PTGFR: variants seen among roughly 807,000 people sequenced by gnomAD.
PTGFR encodes the protein prostaglandin F2-alpha receptor.
PTGFR carries 15 observed loss-of-function variants against 26.2 expected under a neutral mutation model. The ratio of observed to expected loss-of-function variants is 0.57; its 90% CI spans 0.38 to 0.88. The LOEUF is 0.88. Among genes scored for constraint, PTGFR ranks in the 40% least tolerant of loss-of-function variants. PTGFR has a pLI of 0.00. For synonymous variants in PTGFR, 165 were observed against 151.1 expected (o/e 1.09, Z -0.68); for missense variants, 369 against 427.2 (o/e 0.86, Z 1.20).
intron 2 of PTGFR, among the ~76,000 whole-genome samples, chr1:78,514,098 C>G (rs2100375301): frequency 6.6e-6 from 1 of 152,334 alleles, no homozygotes; most frequent in Middle Eastern, 3.4e-3. Flanking sequence ...TGGATTGGAG[C>G]TCCCACACAG....
Position 78,492,863 on chromosome 1 carries a change from A to G in PTGFR, c.120A>G (p.Gly40=). 6.2e-7 allele frequency: 1 copy of G among 1,614,234 alleles called. No homozygotes were observed. Among genetic ancestry groups the G allele is most frequent in the Non-Finnish European group, 8.5e-7 (1 of 1,180,044 alleles). ...VFFSVIFMTV[G]ILSNSLAIAI... is the part of the protein sequence containing the mutation. ...TTTCAGTAATCTTCATGACAGTGGG[A>G]ATCTTGTCAAACAGCCTTGCCATCG... Residue 40 remains glycine, a synonymous_variant, in exon 2 of 3, where the codon GGA becomes GGG. Coordinates refer to ENST00000370757, the MANE Select transcript of PTGFR (RefSeq NM_000959.4).
chr1:78,497,903 G>C (rs1557647679), intron 2 of PTGFR: 1 of 1,593,888 alleles, frequency 6.3e-7, no homozygotes, highest in Non-Finnish European at 8.6e-7. Context: ...ATGGGAAAGA[G>C]AAATATAAAG....
chr1:78,508,135 CT>C lies in PTGFR; in HGVS notation c.798+14601del, dbSNP rs1390372424. Among the ~76,000 whole-genome samples the C allele has an allele frequency of 1.1e-4, 16 of 151,984 alleles. No homozygotes were observed. In the South Asian group the frequency reaches 2.5e-3, roughly 24 times the overall value. On this transcript the variant is annotated intron_variant, in intron 2 of 2. Coordinates refer to ENST00000370757, the MANE Select transcript of PTGFR (RefSeq NM_000959.4). ...TAACCTCACAGAAATGTTCTATTTT[CT>C]TTTTTTCTGTTTGTGCTTCTGGCTA... is the stretch of plus-strand genomic sequence containing the variant.
intron 2 of PTGFR, among the ~76,000 whole-genome samples, chr1:78,531,932 G>A (rs1369429687): frequency 1.3e-5 from 2 of 152,024 alleles, no homozygotes; most frequent in Non-Finnish European, 1.5e-5. Context: ...CTGATATTAT[G>A]TTTATCAATA....
intron 1 of PTGFR, 68 bp from the exon 2 acceptor site, chr1:78,492,604 C>A: frequency 1.2e-6 from 1 of 815,026 alleles, no homozygotes; most frequent in Non-Finnish European, 1.9e-6. Context: ...GGTGCTGGGG[C>A]ACGTCAGTCA....
intron 2 of PTGFR, among the ~76,000 whole-genome samples, chr1:78,499,240 C>G (rs1344532825): frequency 6.6e-6 from 1 of 152,210 alleles, no homozygotes; most frequent in East Asian, 1.9e-4. Flanking sequence ...ATATCCCCTC[C>G]TCTATCTGGG....
rs914512367 is a variant in PTGFR at position 78,536,581 on chromosome 1, T to C, written c.974T>C (p.Val325Ala). 1 of 1,613,202 alleles carries C rather than the reference T, an allele frequency of 6.2e-7. No homozygotes were observed. Among genetic ancestry groups the C allele is most frequent in the Non-Finnish European group, 8.5e-7 (1 of 1,179,488 alleles). The change falls in exon 3 of 3, where the codon GTG (valine) becomes GCG (alanine). Residue 325 changes from valine to alanine, a missense_variant. By Grantham distance (64) the Val-to-Ala change is moderately conservative (BLOSUM62 0). Coordinates refer to ENST00000370757, the MANE Select transcript of PTGFR (RefSeq NM_000959.4). ...AAGCTTGCCAGTCAATGCTGTGGAGTGCATGTCATCAGCTTACATATTTGG... is the reference window on the plus strand; with the variant it reads ...AAGCTTGCCAGTCAATGCTGTGGAGCGCATGTCATCAGCTTACATATTTGG... ...LYKLASQCCG[V>A]HVISLHIWEL...
intron 2 of PTGFR, among the ~76,000 whole-genome samples, chr1:78,523,268 A>G (rs1407718514): frequency 6.6e-6 from 1 of 152,116 alleles, no homozygotes; most frequent in African/African-American, 2.4e-5. Flanking sequence ...TGGCTTACTG[A>G]TATATTTTTC....
chr1:78,496,084 A>C (rs1649541181), intron 2 of PTGFR, among the ~76,000 whole-genome samples: 1 of 152,032 alleles, frequency 6.6e-6, no homozygotes, highest in East Asian at 1.9e-4. Flanking sequence ...TTTTATGGAG[A>C]GTTGAGTCTT....
intron 2 of PTGFR, among the ~76,000 whole-genome samples, chr1:78,507,914 C>T (rs986960269): frequency 3.9e-5 from 6 of 152,096 alleles, no homozygotes; most frequent in African/African-American, 9.7e-5. Flanking sequence ...AAATTATTTT[C>T]CCTTAAAGAC....
chr1:78,528,294 C>CAAA (rs35137595), intron 2 of PTGFR, among the ~76,000 whole-genome samples: 5 of 20,118 alleles, frequency 2.5e-4, no homozygotes, highest in African/African-American at 5.9e-4. Context: ...AGAAAGTTAG[C>CAAA]AAAAAAAAAA....
intron 2 of PTGFR, among the ~76,000 whole-genome samples, chr1:78,509,762 T>C (rs1223291040): frequency 2.0e-5 from 3 of 152,256 alleles, no homozygotes; most frequent in African/African-American, 7.2e-5. Flanking sequence ...ATGGTCATAA[T>C]ATAAATGCTA....
rs1650738654 is a variant in PTGFR, at chr1:78,539,407, C to T, written c.*2720C>T. 1.3e-5 allele frequency: 2 copies of T among 152,362 alleles called. No individual in the cohort carries two copies. Among genetic ancestry groups the T allele is most frequent in the Non-Finnish European group, 2.9e-5 (2 of 67,982 alleles). The allele number at this position is 152,362 out of a possible 1,614,324, so 9.4% of individuals were successfully genotyped here. A position where few individuals can be genotyped will look rare whatever the true frequency, so the allele number is the denominator to read the frequency against. ...AACTATTGCTAGCTTCACCTGTATACCATCATTGTTCCAAATTAAATAACT... is the reference window on the plus strand; with the variant it reads ...AACTATTGCTAGCTTCACCTGTATATCATCATTGTTCCAAATTAAATAACT... On this transcript the variant is annotated 3_prime_UTR_variant, in exon 3 of 3. Coordinates refer to ENST00000370757, the MANE Select transcript of PTGFR (RefSeq NM_000959.4).
intron 1 of PTGFR, among the ~76,000 whole-genome samples, chr1:78,492,430 A>C (rs1649426525): frequency 6.6e-6 from 1 of 152,152 alleles, no homozygotes; most frequent in Non-Finnish European, 1.5e-5. Context: ...GAGGAGGAGG[A>C]GGTGCTCATT....
chr1:78,524,763 G>T (rs909681482), intron 2 of PTGFR, among the ~76,000 whole-genome samples: 20 of 151,856 alleles, frequency 1.3e-4, no homozygotes, highest in African/African-American at 4.6e-4. Flanking sequence ...CCTATGAAAA[G>T]AACAAATTAG....
intron 2 of PTGFR, among the ~76,000 whole-genome samples, chr1:78,514,154 ACCATCCTCTAGACC>A (rs983429181): frequency 7.2e-5 from 11 of 152,186 alleles, no homozygotes; most frequent in Non-Finnish European, 1.2e-4. Flanking sequence ...GGAGGGGGCC[ACCATCCTCTAGACC>A]CCAGAATGGT....
intron 2 of PTGFR, among the ~76,000 whole-genome samples, chr1:78,525,459 G>T (rs986672607): frequency 6.6e-6 from 1 of 151,936 alleles, no homozygotes; most frequent in African/African-American, 2.4e-5. Context: ...GTGAGGTCTG[G>T]GTGGGTCCCA....
At chr1:78,524,400 G>A (rs764637673) in intron 2 of PTGFR, among the ~76,000 whole-genome samples, 1 of 152,118 alleles carries the variant, frequency 6.6e-6, no homozygotes, top group South Asian at 2.1e-4. Context: ...CAAATACCTA[G>A]ATTCGACTTA....
rs1650703706 is a variant in PTGFR, at chr1:78,538,154, T to C, written c.*1467T>C. ...TATTTCATACAGTTACTTAAGAGTG[T>C]TGATGTCTTGTGAACAGAGATATAA... On this transcript the variant is annotated 3_prime_UTR_variant, in exon 3 of 3. Transcript: ENST00000370757. The C allele has an allele frequency of 1.3e-5, 2 of 152,130 alleles. No individual in the cohort carries two copies. The highest frequency in any genetic ancestry group is 2.9e-5 in the Non-Finnish European group (2 of 68,016). 9.4% of individuals were successfully genotyped at this position (152,130 alleles called of 1,614,324 possible).
Sources: allele counts gnomAD v4.1 joint callset (sites outside exome capture counted in the v4.1 genomes callset), GRCh38; gene constraint gnomAD v4.1.1; transcripts MANE v1.5; gene names NCBI Gene and HGNC (gene_info 2026-07-23, HGNC 2026-07-21).